PARL: variants seen among roughly 807,000 people sequenced by gnomAD.
PARL encodes presenilin-associated rhomboid-like protein, mitochondrial.
Under a neutral mutation model 51.6 loss-of-function variants are expected in PARL, and 44 were observed. The observed-to-expected ratio is 0.85, with a 90% CI of 0.67 to 1.10. The LOEUF (loss-of-function observed/expected upper bound fraction) is 1.10, where lower values mean the gene tolerates loss of function less well. PARL is among the 50% of genes least tolerant of loss of function. The pLI is 0.00. For synonymous variants in PARL, 172 were observed against 164.0 expected (o/e 1.05, Z -0.37); for missense variants, 441 against 469.5 (o/e 0.94, Z 0.56).
intron 4 of PARL, among the ~76,000 whole-genome samples, chr3:183,851,685 A>T (rs1274300702): frequency 6.6e-6 from 1 of 152,162 alleles, no homozygotes; most frequent in Non-Finnish European, 1.5e-5. Context: ...TAATATCCAG[A>T]ATATATAAAA....
chr3:183,844,652 A>G (rs1279359084), intron 4 of PARL: 1 of 254,924 alleles, frequency 3.9e-6, no homozygotes, highest in Non-Finnish European at 7.7e-6. Flanking sequence ...ATAATAGCCA[A>G]ACCAAAGACA....
chr3:183,868,945 A>AT (rs1732853433), intron 1 of PARL, among the ~76,000 whole-genome samples: 1 of 152,224 alleles, frequency 6.6e-6, no homozygotes, highest in East Asian at 1.9e-4. Context: ...TTAAAAAAAA[A>AT]TTTTGTTGTT....
At chr3:183,877,541 AAGG>A (rs1239525912) in intron 1 of PARL, among the ~76,000 whole-genome samples, 2 of 152,188 alleles carry the variant, frequency 1.3e-5, no homozygotes, top group East Asian at 1.9e-4. Flanking sequence ...TCTTTTGTGA[AAGG>A]AGGAGTCAAT....
intron 4 of PARL, among the ~76,000 whole-genome samples, chr3:183,857,211 T>A: frequency 6.6e-6 from 1 of 152,128 alleles, no homozygotes; most frequent in East Asian, 1.9e-4. Context: ...ATCATGCCAC[T>A]GCACTCCAGC....
chr3:183,843,439 T>C lies in PARL; in HGVS notation c.607+792A>G, dbSNP rs900389166. ...CTGAGGTGGGAGGATCAGTTGAGCC[T>C]GAGAAGCAGAGGTTGCAGTGAGCCA... On this transcript the variant is annotated intron_variant, in intron 5 of 9. Transcript: ENST00000317096. 4.8e-5 allele frequency: 10 copies of C among 206,238 alleles called. No individual in the cohort carries two copies. The South Asian group carries it at 1.4e-3, about 28-fold the overall frequency. 12.8% of individuals were successfully genotyped at this position (206,238 alleles called of 1,614,324 possible).
At chr3:183,850,887 A>C (rs1730469093) in intron 4 of PARL, among the ~76,000 whole-genome samples, 1 of 152,228 alleles carries the variant, frequency 6.6e-6, no homozygotes, top group Non-Finnish European at 1.5e-5. Flanking sequence ...CACAATTCAT[A>C]GTTTCAGAAT....
chr3:183,834,963 G>A (rs188263320), intron 7 of PARL, among the ~76,000 whole-genome samples: 172 of 151,256 alleles, frequency 1.1e-3, no homozygotes, highest in African/African-American at 4.1e-3. Flanking sequence ...GGATGCTAAG[G>A]CCCGAGAATT....
chr3:183,852,861 A>G (rs572864912), intron 4 of PARL, among the ~76,000 whole-genome samples: 1 of 152,376 alleles, frequency 6.6e-6, no homozygotes, highest in South Asian at 2.1e-4. Context: ...AAAATGGTGT[A>G]GCTACCTATG....
At chr3:183,859,746 A>T (rs1323994536) in intron 4 of PARL, among the ~76,000 whole-genome samples, 1 of 152,188 alleles carries the variant, frequency 6.6e-6, no homozygotes, top group African/African-American at 2.4e-5. Flanking sequence ...AACCAAAGAG[A>T]CATGGATAAA....
chr3:183,882,294 T>C (rs188783928), intron 1 of PARL, among the ~76,000 whole-genome samples: 2,357 of 96,166 alleles, frequency 0.025, 105 homozygotes, highest in African/African-American at 0.083. Context: ...CACACACACA[T>C]ATATATACAC....
chr3:183,858,892 T>C (rs890073625), intron 4 of PARL, among the ~76,000 whole-genome samples: 3 of 150,988 alleles, frequency 2.0e-5, no homozygotes, highest in East Asian at 3.9e-4. Flanking sequence ...TATTTCTGTG[T>C]AATAAAAATT....
intron 1 of PARL, among the ~76,000 whole-genome samples, chr3:183,878,956 C>T (rs1050940920): frequency 6.6e-6 from 1 of 152,140 alleles, no homozygotes; most frequent in African/African-American, 2.4e-5. Flanking sequence ...AAACCCCTGT[C>T]CTAGATGATA....
chr3:183,876,433 G>T (rs776126537), intron 1 of PARL, among the ~76,000 whole-genome samples: 1 of 152,078 alleles, frequency 6.6e-6, no homozygotes, highest in African/African-American at 2.4e-5. Flanking sequence ...CATCGACAAT[G>T]TATCTGGTCA....
intron 1 of PARL, among the ~76,000 whole-genome samples, chr3:183,879,362 CT>C (rs77808351): frequency 0.05 from 7,605 of 152,218 alleles, 229 homozygotes; most frequent in East Asian, 0.079. Flanking sequence ...GAGAAGACAA[CT>C]TTTTTTTCTG....
chr3:183,829,370 G>A lies in PARL; in HGVS notation c.*228C>T. 7.0e-7 allele frequency: 1 copy of A among 1,429,074 alleles called. No individual in the cohort carries two copies. The highest frequency in any genetic ancestry group is 9.2e-7 in the Non-Finnish European group (1 of 1,091,202). 88.5% of individuals were successfully genotyped at this position (1,429,074 alleles called of 1,614,324 possible). A position where few individuals can be genotyped will look rare whatever the true frequency, so the allele number is the denominator to read the frequency against. On this transcript the variant is annotated 3_prime_UTR_variant, in exon 10 of 10. Coordinates refer to ENST00000317096, the MANE Select transcript of PARL (RefSeq NM_018622.7). ...GCCAGAGCCGTGTCGGCCCCTTAAA[G>A]AGAGAACACACACATCTGCTTACAA... is the stretch of plus-strand genomic sequence containing the variant.
intron 1 of PARL, among the ~76,000 whole-genome samples, chr3:183,880,928 C>T (rs1157683055): frequency 1.3e-5 from 2 of 152,056 alleles, no homozygotes; most frequent in East Asian, 3.9e-4. Context: ...CAATCCTCCT[C>T]CCTTAGCCTC....
In PARL at chr3:183,833,771, T is replaced by C. The variant is rs1439398352; in HGVS notation, c.883A>G (p.Arg295Gly). ...ATCGGAAGGAAAATAATGGCAAGCC[T>C]CCCTTCTGGGATCTTAGTGCAGACA... ...AAVCTKIPEG[R>G]LAIIFLPMFT... is the part of the protein sequence containing the mutation. The change falls in exon 8 of 10, where the codon AGG becomes GGG. Residue 295 changes from arginine (R) to glycine (G), a missense_variant. Arg to Gly is a moderately radical substitution (Grantham distance 125). Transcript: ENST00000317096. 1.9e-6 allele frequency: 3 copies of C among 1,613,568 alleles called. No individual in the cohort carries two copies. The highest frequency in any genetic ancestry group is 2.5e-6 in the Non-Finnish European group (3 of 1,179,556).
At chr3:183,831,754 T>G (rs115995941) in intron 9 of PARL, among the ~76,000 whole-genome samples, 3,519 of 151,846 alleles carry the variant, frequency 0.023, 55 homozygotes, top group Non-Finnish European at 0.035. Flanking sequence ...GAAAAAAAAA[T>G]AAATAAAAGA....
intron 1 of PARL, among the ~76,000 whole-genome samples, chr3:183,882,198 T>G (rs1734510973): frequency 1.1e-5 from 1 of 89,426 alleles, no homozygotes. Flanking sequence ...AGCAAGACAA[T>G]GTCTCTAAAA....
Sources: allele counts gnomAD v4.1 joint callset (sites outside exome capture counted in the v4.1 genomes callset), GRCh38; gene constraint gnomAD v4.1.1; transcripts MANE v1.5; gene names NCBI Gene and HGNC (gene_info 2026-07-23, HGNC 2026-07-21).